The following OTOG variants were observed in gnomAD, a reference collection of about 807,000 sequenced individuals.
The protein encoded by OTOG is otogelin.
In OTOG, 296 loss-of-function variants were observed where a neutral mutation model predicts 313.8. The observed-to-expected ratio is 0.94, with a 90% CI of 0.86 to 1.04. OTOG has a LOEUF of 1.04. OTOG is among the 50% of genes least tolerant of loss of function. OTOG has a pLI of 0.00. For missense variants in OTOG, 3,948 were observed against 3,840.1 expected (o/e 1.03, Z -0.74); for synonymous variants, 1,533 against 1,554.9 (o/e 0.99, Z 0.33).
Position 17,633,826 on chromosome 11 carries a change from A to T in OTOG, c.7219A>T (p.Ile2407Phe). The T allele has an allele frequency of 6.5e-7, 1 of 1,549,894 alleles. No individual in the cohort carries two copies. Among genetic ancestry groups the T allele is most frequent in the Non-Finnish European group, 8.7e-7 (1 of 1,146,830 alleles). Reference protein sequence around the residue: ...GEGCVCSEGTILHRRHSALCI... With the variant: ...GEGCVCSEGTFLHRRHSALCI... ...GGGCTGCGTCTGCTCCGAGGGCACCATCTTACACCGGCGCCACTCTGCACT... is the reference window on the plus strand; with the variant it reads ...GGGCTGCGTCTGCTCCGAGGGCACCTTCTTACACCGGCGCCACTCTGCACT... Residue 2407 changes from isoleucine to phenylalanine, a missense_variant, in exon 43 of 56, where the codon ATC (isoleucine) becomes TTC (phenylalanine). By Grantham distance (21) the Ile-to-Phe change is conservative. Transcript: ENST00000399397.
chr11:17,632,330 C>A, intron 42 of OTOG, 104 bp downstream of exon 42: 1 of 1,183,182 alleles, frequency 8.5e-7, no homozygotes, highest in Non-Finnish European at 1.1e-6. Context: ...GCTTTCCCAG[C>A]TTTAATCATT....
At position 17,590,146 on chromosome 11, in the gene OTOG, T is replaced by C. The variant is rs556149040; in HGVS notation, c.2868-1304T>C. Among the ~76,000 whole-genome samples, 6 of 152,304 alleles carry C rather than the reference T, an allele frequency of 3.9e-5. No homozygotes were observed. The East Asian group carries it at 9.7e-4, about 25-fold the overall frequency. ...GGCAGAGGACTACCAGATTTCTACC[T>C]GTAGTCCAATCCATGCTTCTCAACT... On this transcript the variant is annotated intron_variant, in intron 24 of 55. Transcript: ENST00000399397.
chr11:17,585,255 T>G (rs994048908), intron 23 of OTOG, among the ~76,000 whole-genome samples: 2 of 152,244 alleles, frequency 1.3e-5, no homozygotes, highest in Non-Finnish European at 2.9e-5. Context: ...TTTAAGAAAT[T>G]TGTCCATTCC....
intron 24 of OTOG, among the ~76,000 whole-genome samples, chr11:17,590,062 A>G (rs991435695): frequency 1.3e-5 from 2 of 151,944 alleles, no homozygotes; most frequent in Non-Finnish European, 2.9e-5. Flanking sequence ...CCTCCTCTCT[A>G]TTTATACTTA....
chr11:17,576,298 A>T (rs969599446), intron 20 of OTOG, among the ~76,000 whole-genome samples: 5 of 152,192 alleles, frequency 3.3e-5, no homozygotes, highest in Non-Finnish European at 5.9e-5. Context: ...GGCTGGCTGC[A>T]GGAGTGTGTG....
rs752377628 is a variant in OTOG at position 17,612,622 on chromosome 11, C to T, written c.6295C>T (p.Arg2099Trp). 20 of 1,549,782 alleles carry T rather than the reference C, an allele frequency of 1.3e-5. No individual in the cohort carries two copies. The highest frequency in any genetic ancestry group is 8.2e-5 in the African/African-American group (6 of 73,008). ...RCCPLWECAC[R>W]CSIFPDLSFV... ...CTTGTGCCCTGCCCCTCCCCCAGGCCGGTGCTCAATCTTCCCTGACCTGAG... is the reference window on the plus strand; with the variant it reads ...CTTGTGCCCTGCCCCTCCCCCAGGCTGGTGCTCAATCTTCCCTGACCTGAG... Residue 2099 changes from arginine to tryptophan, a missense_variant and splice_region_variant, in exon 38 of 56, where the codon CGG becomes TGG. By Grantham distance (101) the Arg-to-Trp change is moderately radical. Coordinates refer to ENST00000399397, the MANE Select transcript of OTOG (RefSeq NM_001292063.2).
rs1376034909 is a variant in OTOG at position 17,594,174 on chromosome 11, C to T, written c.3408+8C>T. ...AGTTGGGCTGCAGTTGAGGTAAAGC[C>T]TCTCTTCCAGGCTGGCTTATGCCCC... On this transcript the variant is annotated splice_region_variant and intron_variant, in intron 28 of 55. Transcript: ENST00000399397. 8 of 1,550,532 alleles carry T rather than the reference C, an allele frequency of 5.2e-6. No individual in the cohort carries two copies. In the Admixed American group the frequency reaches 7.8e-5, roughly 15 times the overall value.
chr11:17,588,907 A>G (rs1257439740), intron 24 of OTOG, among the ~76,000 whole-genome samples: 5 of 151,914 alleles, frequency 3.3e-5, no homozygotes, highest in African/African-American at 1.2e-4. Context: ...GACTCCCTCA[A>G]TCCTGCAACC....
rs993815613 is a variant in OTOG, at chr11:17,611,100, C to T, written c.5800C>T (p.Leu1934Phe). 11 of 1,550,528 alleles carry T rather than the reference C, an allele frequency of 7.1e-6. No individual in the cohort carries two copies. The highest frequency in any genetic ancestry group is 8.7e-6 in the Non-Finnish European group (10 of 1,146,940). The change falls in exon 36 of 56, where the codon CTC becomes TTC. Residue 1934 changes from leucine (L) to phenylalanine (F), a missense_variant. Coordinates refer to ENST00000399397, the MANE Select transcript of OTOG (RefSeq NM_001292063.2). ...TTCTGCAGAGGGTGGGCCCACAGAGCTCACGCCTGCTACGAGCCACCCTCT... is the reference window on the plus strand; with the variant it reads ...TTCTGCAGAGGGTGGGCCCACAGAGTTCACGCCTGCTACGAGCCACCCTCT... ...YGSAEGGPTE[L>F]TPATSHPLTP...
At chr11:17,595,779 A>G (rs780671283) in intron 28 of OTOG, among the ~76,000 whole-genome samples, 3 of 152,238 alleles carry the variant, frequency 2.0e-5, no homozygotes, top group Non-Finnish European at 4.4e-5. Context: ...GAGAGACTCC[A>G]GCAAGATGGG....
chr11:17,561,943 C>G, intron 15 of OTOG, 136 bp downstream of exon 15: 1 of 1,097,872 alleles, frequency 9.1e-7, no homozygotes, highest in Non-Finnish European at 1.3e-6. Context: ...GGGGAGAAGA[C>G]TGGACTCCAG....
intron 6 of OTOG, among the ~76,000 whole-genome samples, chr11:17,555,417 G>A (rs1344773581): frequency 6.6e-6 from 1 of 152,222 alleles, no homozygotes; most frequent in African/African-American, 2.4e-5. Context: ...TGAGATGGTG[G>A]AGTATGTCTG....
At chr11:17,593,451 A>G in intron 26 of OTOG, 124 bp downstream of exon 26, 7 of 1,422,678 alleles carry the variant, frequency 4.9e-6, no homozygotes, top group Non-Finnish European at 6.6e-6. Flanking sequence ...CTGAGTTAGG[A>G]GCCCAGACTG....
At position 17,645,915 on chromosome 11, in the gene OTOG, C is replaced by T; in HGVS notation, c.8713C>T (p.Pro2905Ser). ...CTGGGTGCCCTATACAGTGCAGGAGCCCACCGACTGTGCCTGCCAGTGGTC... is the reference window on the plus strand; with the variant it reads ...CTGGGTGCCCTATACAGTGCAGGAGTCCACCGACTGTGCCTGCCAGTGGTC... ...ATWVPYTVQE[P>S]TDCACQWS The change falls in exon 56 of 56, where the codon CCC becomes TCC. Residue 2905 changes from proline to serine, a missense_variant. Coordinates refer to ENST00000399397, the MANE Select transcript of OTOG (RefSeq NM_001292063.2). 1.9e-6 allele frequency: 3 copies of T among 1,550,028 alleles called. No individual in the cohort carries two copies. Among genetic ancestry groups the T allele is most frequent in the Non-Finnish European group, 2.6e-6 (3 of 1,146,976 alleles).
intron 39 of OTOG, among the ~76,000 whole-genome samples, chr11:17,625,889 G>A (rs1010083607): frequency 6.6e-6 from 1 of 152,142 alleles, no homozygotes. Context: ...CCAATGTCCT[G>A]GAGAGTTTCC....
At position 17,611,025 on chromosome 11, in the gene OTOG, A is replaced by G. The variant is rs540466671; in HGVS notation, c.5725A>G (p.Lys1909Glu). The G allele has an allele frequency of 6.4e-7, 1 of 1,550,504 alleles. No individual in the cohort carries two copies. Among genetic ancestry groups the G allele is most frequent in the South Asian group, 1.2e-5 (1 of 84,058 alleles). Residue 1909 changes from lysine (K) to glutamate (E), a missense_variant, in exon 36 of 56, where the codon AAG becomes GAG. By Grantham distance (56) the Lys-to-Glu change is moderately conservative. Coordinates refer to ENST00000399397, the MANE Select transcript of OTOG (RefSeq NM_001292063.2). ...SVVPRKSTTG[K>E]VAILSKQVSL... ...TGTCCCACGAAAGAGCACCACAGGG[A>G]AGGTGGCCATCCTATCCAAGCAAGT...
chr11:17,640,621 T>C, intron 49 of OTOG, 124 bp from the exon 50 acceptor site: 1 of 1,066,750 alleles, frequency 9.4e-7, no homozygotes, highest in Non-Finnish European at 1.3e-6. Flanking sequence ...GCCCCAGGCC[T>C]GCCAGCCCCC....
Position 17,561,599 on chromosome 11 carries a change from C to T in OTOG, c.1499-63C>T, listed in dbSNP as rs996604918. The T allele has an allele frequency of 1.6e-5, 25 of 1,522,504 alleles. No individual in the cohort carries two copies. The South Asian group carries it at 2.9e-4, about 18-fold the overall frequency. 94.3% of individuals were successfully genotyped at this position (1,522,504 alleles called of 1,614,324 possible). A position where few individuals can be genotyped will look rare whatever the true frequency, so the allele number is the denominator to read the frequency against. Reference sequence around the variant, plus strand: ...TGCTGTGTCCTCCTCATACTTGGAGCTTGCAGGGCAGAGTTCCCCTGGGGC... The same window carrying T: ...TGCTGTGTCCTCCTCATACTTGGAGTTTGCAGGGCAGAGTTCCCCTGGGGC... On this transcript the variant is annotated intron_variant, in intron 14 of 55. Transcript: ENST00000399397.
rs1565096806 is a variant in OTOG at position 17,569,251 on chromosome 11, G to A, written c.1740G>A (p.Leu580=). The A allele has an allele frequency of 2.6e-6, 4 of 1,550,488 alleles. No homozygotes were observed. The highest frequency in any genetic ancestry group is 2.0e-5 in the Admixed American group (1 of 50,988). ...TGACCCAGGCAGGGGATGTCCTTCT[G>A]TTTGACCAGTACAAGATCATCCCGC... ...VTLTQAGDVL[L]FDQYKIIPPY... is the part of the protein sequence containing the mutation. Residue 580 remains leucine (L), a synonymous_variant, in exon 16 of 56, where the codon CTG becomes CTA. Coordinates refer to ENST00000399397, the MANE Select transcript of OTOG (RefSeq NM_001292063.2).
Sources: allele counts gnomAD v4.1 joint callset (sites outside exome capture counted in the v4.1 genomes callset), GRCh38; gene constraint gnomAD v4.1.1; transcripts MANE v1.5; gene names NCBI Gene and HGNC (gene_info 2026-07-23, HGNC 2026-07-21).